The following PCDHGA5 variants were observed in gnomAD, a reference collection of about 807,000 sequenced individuals.
PCDHGA5 encodes the protein protocadherin gamma subfamily A, 5, also known as protocadherin gamma-A5.
PCDHGA5 carries 36 observed loss-of-function variants against 56.7 expected under a neutral mutation model. The ratio of observed to expected loss-of-function variants is 0.64; its 90% confidence interval spans 0.49 to 0.84. The LOEUF (loss-of-function observed/expected upper bound fraction) is 0.84, where lower values mean the gene tolerates loss of function less well. Among genes scored for constraint, PCDHGA5 ranks in the 40% least tolerant of loss-of-function variants. The pLI is 0.00. For missense variants in PCDHGA5, 1,305 were observed against 1,201.5 expected, an observed-to-expected ratio of 1.09 and a Z score of -1.27; for synonymous variants, 563 against 520.2, an observed-to-expected ratio of 1.08 and a Z score of -1.12.
chr5:141,372,131 G>A lies in PCDHGA5; in HGVS notation c.2421+5380G>A, dbSNP rs181587030. 4.2e-4 allele frequency: 682 copies of A among 1,613,644 alleles called. 9 individuals are homozygous for A. The East Asian group carries it at 8.2e-3, about 19-fold the overall frequency. On this transcript the variant is annotated intron_variant, in intron 1 of 3. Transcript: ENST00000518069. ...GCTCTGCGCTCTTCGATATGGTGCCGCGCTCTGCAGAGCCTGGCTACCTGG... is the reference window on the plus strand; with the variant it reads ...GCTCTGCGCTCTTCGATATGGTGCCACGCTCTGCAGAGCCTGGCTACCTGG...
chr5:141,509,843 C>T (rs1596253565), intron 3 of PCDHGA5, among the ~76,000 whole-genome samples: 1 of 152,178 alleles, frequency 6.6e-6, no homozygotes, highest in African/African-American at 2.4e-5. Context: ...CTCCCATTCA[C>T]TCAGAACAGG....
intron 1 of PCDHGA5, chr5:141,428,889 C>G (rs1486441305): frequency 1.3e-5 from 2 of 150,826 alleles, no homozygotes; most frequent in African/African-American, 4.9e-5. Flanking sequence ...GAGTCTCGCT[C>G]TGTGGTCCAG....
chr5:141,485,680 C>T lies in PCDHGA5; in HGVS notation c.2422-9127C>T. The T allele has an allele frequency of 6.2e-7, 1 of 1,613,966 alleles. No individual in the cohort carries two copies. Among genetic ancestry groups the T allele is most frequent in the South Asian group, 1.1e-5 (1 of 91,066 alleles). The stretch of plus-strand genomic sequence containing the variant: ...ATGTGGGGAGCAATTCGATTAGCAG[C>T]TATAGGCTGAGCTCCAATGAACACT... On this transcript the variant is annotated intron_variant, in intron 1 of 3. Coordinates refer to ENST00000518069, the MANE Select transcript of PCDHGA5 (RefSeq NM_018918.3). The surrounding 1 kb of genome is among the most constrained non-coding windows in gnomAD (Gnocchi z 5.7).
intron 1 of PCDHGA5, among the ~76,000 whole-genome samples, chr5:141,455,574 C>T (rs1214642742): frequency 6.6e-6 from 1 of 152,158 alleles, no homozygotes; most frequent in Non-Finnish European, 1.5e-5. Flanking sequence ...CCTCCCACCC[C>T]AGCCTTTTAA....
chr5:141,404,682 T>G lies in PCDHGA5; in HGVS notation c.2421+37931T>G, dbSNP rs766278950. 2.5e-6 allele frequency: 4 copies of G among 1,613,914 alleles called. No individual in the cohort carries two copies. Among genetic ancestry groups the G allele is most frequent in the Non-Finnish European group, 2.5e-6 (3 of 1,179,906 alleles). On this transcript the variant is annotated intron_variant, in intron 1 of 3. Coordinates refer to ENST00000518069, the MANE Select transcript of PCDHGA5 (RefSeq NM_018918.3). ...ACTGATGGTTCTACTGGTGTGGAGC[T>G]GGCACCCCGCTCTGCAGAGCCTGGC...
intron 1 of PCDHGA5, among the ~76,000 whole-genome samples, chr5:141,471,035 G>A (rs2099247157): frequency 7.1e-6 from 1 of 141,386 alleles, no homozygotes; most frequent in Admixed American, 7.1e-5. Flanking sequence ...TTATTAACAA[G>A]CCCAAGCCCT....
rs758578821 is a variant in PCDHGA5 at position 141,486,659 on chromosome 5, G to C, written c.2422-8148G>C. The C allele has an allele frequency of 6.8e-6, 11 of 1,613,944 alleles. No individual in the cohort carries two copies. The highest frequency in any genetic ancestry group is 8.5e-6 in the Non-Finnish European group (10 of 1,180,026). On this transcript the variant is annotated intron_variant, in intron 1 of 3. Coordinates refer to ENST00000518069, the MANE Select transcript of PCDHGA5 (RefSeq NM_018918.3). The surrounding 1 kb of genome is among the most constrained non-coding windows in gnomAD (Gnocchi z 5.0). ...TGCGCTTATCTCCTACTCACTCCTGGAGCCCAGGAATCGAGATGTATCAGC... is the reference window on the plus strand; with the variant it reads ...TGCGCTTATCTCCTACTCACTCCTGCAGCCCAGGAATCGAGATGTATCAGC...
intron 1 of PCDHGA5, chr5:141,377,844 A>G (rs911815564): frequency 2.0e-5 from 3 of 152,180 alleles, no homozygotes; most frequent in South Asian, 2.1e-4. Context: ...TTATCTTCCA[A>G]TTAAAATTAA....
chr5:141,409,198 A>T, intron 1 of PCDHGA5: 1 of 1,614,010 alleles, frequency 6.2e-7, no homozygotes, highest in South Asian at 1.1e-5. Flanking sequence ...CCCAGTGTAA[A>T]GTAATCATAG....
At chr5:141,454,685 C>A (rs1305853379) in intron 1 of PCDHGA5, among the ~76,000 whole-genome samples, 1 of 151,844 alleles carries the variant, frequency 6.6e-6, no homozygotes, top group Non-Finnish European at 1.5e-5. Context: ...GGATTACAGG[C>A]ATGAGCCACC....
rs951502238 is a variant in PCDHGA5 at position 141,478,263 on chromosome 5, A to G, written c.2422-16544A>G. ...ACAGTGTTCGGAGTAATCATATTCA[A>G]AGTTTACAAGTGGAAGCAGTCTAGA... On this transcript the variant is annotated intron_variant, in intron 1 of 3. Coordinates refer to ENST00000518069, the MANE Select transcript of PCDHGA5 (RefSeq NM_018918.3). The G allele has an allele frequency of 2.5e-6, 4 of 1,614,046 alleles. No individual in the cohort carries two copies. The African/African-American group carries it at 5.3e-5, about 22-fold the overall frequency.
At chr5:141,390,611 C>A (rs1248320569) in intron 1 of PCDHGA5, 1 of 295,950 alleles carries the variant, frequency 3.4e-6, no homozygotes, top group Admixed American at 4.8e-5. Context: ...CATTTTCCTT[C>A]TTGTTGACTA....
Position 141,392,778 on chromosome 5 carries a change from G to A in PCDHGA5, c.2421+26027G>A, listed in dbSNP as rs375878103. ...ACTAAATAAGACCCATTTATGCACA[G>A]TGAAGATTCTGAGAGGATTCTGCAG... On this transcript the variant is annotated intron_variant, in intron 1 of 3. Coordinates refer to ENST00000518069, the MANE Select transcript of PCDHGA5 (RefSeq NM_018918.3). 5 of 1,533,872 alleles carry A rather than the reference G, an allele frequency of 3.3e-6. No homozygotes were observed. The African/African-American group carries it at 6.9e-5, about 21-fold the overall frequency.
intron 1 of PCDHGA5, chr5:141,415,721 G>A (rs1201366552): frequency 3.0e-6 from 2 of 675,878 alleles, no homozygotes; most frequent in Admixed American, 7.4e-5. Context: ...CTGATGAGTA[G>A]AATTTGATGT....
Position 141,486,278 on chromosome 5 carries a change from G to C in PCDHGA5, c.2422-8529G>C, listed in dbSNP as rs774763063. On this transcript the variant is annotated intron_variant, in intron 1 of 3. Coordinates refer to ENST00000518069, the MANE Select transcript of PCDHGA5 (RefSeq NM_018918.3). The surrounding 1 kb of genome is among the most constrained non-coding windows in gnomAD (Gnocchi z 5.0). ...CGAGAGTGCAGAACCTGGCACTGTG[G>C]TGGCACTTATCAGTGTGCAGGATCC... is the stretch of plus-strand genomic sequence containing the variant. 4 of 1,613,970 alleles carry C rather than the reference G, an allele frequency of 2.5e-6. No individual in the cohort carries two copies. In the South Asian group the frequency reaches 4.4e-5, roughly 18 times the overall value.
chr5:141,490,380 T>C lies in PCDHGA5; in HGVS notation c.2422-4427T>C, dbSNP rs1246254637. 1 of 1,614,204 alleles carries C rather than the reference T, an allele frequency of 6.2e-7. No individual in the cohort carries two copies. ...TTAATGTGCGAGACCGGGACTCAGGTAGAAATGGTGAAGTGAGCCTTGATA... is the reference window on the plus strand; with the variant it reads ...TTAATGTGCGAGACCGGGACTCAGGCAGAAATGGTGAAGTGAGCCTTGATA... On this transcript the variant is annotated intron_variant, in intron 1 of 3. Coordinates refer to ENST00000518069, the MANE Select transcript of PCDHGA5 (RefSeq NM_018918.3). This position sits in a 1 kb window ranked among gnomAD's most constrained non-coding sequence, Gnocchi z 5.4.
At chr5:141,444,876 G>A (rs921183358) in intron 1 of PCDHGA5, among the ~76,000 whole-genome samples, 1 of 152,186 alleles carries the variant, frequency 6.6e-6, no homozygotes, top group African/African-American at 2.4e-5. Flanking sequence ...GACAAAGCTT[G>A]TAGGATTTTT....
chr5:141,388,636 T>G, intron 1 of PCDHGA5: 1 of 1,613,918 alleles, frequency 6.2e-7, no homozygotes. Context: ...AGGGTGAGCC[T>G]TTCAGAAAAC....
intron 1 of PCDHGA5, chr5:141,475,832 T>C: frequency 2.4e-6 from 1 of 410,610 alleles, no homozygotes; most frequent in Non-Finnish European, 4.4e-6. Flanking sequence ...CTAGCGCGTG[T>C]CCTGCTCAGA....
Sources: gnomAD v4.1 joint callset for allele counts (sites outside exome capture counted in the v4.1 genomes callset) on GRCh38, gnomAD v4.1.1 for gene constraint, Gnocchi (gnomAD v3.1) non-coding constraint, MANE v1.5 for transcripts, NCBI Gene and HGNC (gene_info 2026-07-23, HGNC 2026-07-21) for gene names.